Variants in CNOT10 observed in about 807,000 individuals in gnomAD.
CNOT10 encodes CCR4-NOT transcription complex, subunit 10.
CNOT10 carries 30 observed loss-of-function variants against 94.6 expected under a neutral mutation model. The ratio of observed to expected loss-of-function variants is 0.32; its 90% CI spans 0.24 to 0.43. CNOT10 has a LOEUF of 0.43. CNOT10 is among the 20% of genes least tolerant of loss of function. CNOT10 has a pLI of 1.00. For synonymous variants in CNOT10, 289 were observed against 301.6 expected (o/e 0.96, Z 0.43); for missense variants, 759 against 877.2 (o/e 0.87, Z 1.70).
At chr3:32,748,670 C>T (rs1219222004) in intron 13 of CNOT10, among the ~76,000 whole-genome samples, 1 of 149,204 alleles carries the variant, frequency 6.7e-6, no homozygotes, top group South Asian at 2.1e-4. Flanking sequence ...CCACCACACC[C>T]GACTAATTTT....
intron 3 of CNOT10, among the ~76,000 whole-genome samples, chr3:32,705,448 TG>T (rs980679832): frequency 6.6e-6 from 1 of 152,140 alleles, no homozygotes; most frequent in East Asian, 1.9e-4. Flanking sequence ...AGACTTTTGG[TG>T]TTCAAGAGGG....
At chr3:32,728,057 T>TA (rs1698763996) in intron 10 of CNOT10, among the ~76,000 whole-genome samples, 187 bp downstream of exon 10, 1 of 151,906 alleles carries the variant, frequency 6.6e-6, no homozygotes, top group Non-Finnish European at 1.5e-5. Context: ...AGTGCAATGT[T>TA]ACGATCTCGG....
intron 12 of CNOT10, among the ~76,000 whole-genome samples, chr3:32,737,207 T>A (rs1699227154): frequency 6.6e-6 from 1 of 151,974 alleles, no homozygotes; most frequent in Non-Finnish European, 1.5e-5. Flanking sequence ...CCCAGCTACT[T>A]GGGAGGCTGA....
At chr3:32,726,522 G>A (rs966317946) in intron 9 of CNOT10, among the ~76,000 whole-genome samples, 1 of 151,714 alleles carries the variant, frequency 6.6e-6, no homozygotes, top group Non-Finnish European at 1.5e-5. Flanking sequence ...GTGAAACCCT[G>A]TCTCTACTAA....
chr3:32,738,608 G>A (rs148929056), intron 13 of CNOT10, among the ~76,000 whole-genome samples: 3,043 of 151,698 alleles, frequency 0.02, 48 homozygotes, highest in East Asian at 0.056. Flanking sequence ...GACTACAGGC[G>A]CCTGCCACCA....
chr3:32,695,711 A>G, intron 1 of CNOT10: 1 of 1,536,090 alleles, frequency 6.5e-7, no homozygotes, highest in Non-Finnish European at 8.7e-7. Context: ...TCATTAGGCC[A>G]GAGTAGAAGG....
At chr3:32,730,152 G>A (rs972930832) in intron 10 of CNOT10, among the ~76,000 whole-genome samples, 3 of 152,032 alleles carry the variant, frequency 2.0e-5, no homozygotes, top group Non-Finnish European at 2.9e-5. Flanking sequence ...AGTGTTGGGC[G>A]CCTTTCTTTG....
intron 13 of CNOT10, among the ~76,000 whole-genome samples, chr3:32,740,380 A>G (rs1699408166): frequency 6.6e-6 from 1 of 152,126 alleles, no homozygotes; most frequent in Non-Finnish European, 1.5e-5. Context: ...AATCGCTTCA[A>G]CCGGGGAGGC....
Position 32,727,720 on chromosome 3 carries a change from T to C in CNOT10, c.1065T>C (p.Tyr355=), listed in dbSNP as rs952297511. 8 of 1,613,530 alleles carry C rather than the reference T, an allele frequency of 5.0e-6. No individual in the cohort carries two copies. Among genetic ancestry groups the C allele is most frequent in the Middle Eastern group, 1.6e-4 (1 of 6,084 alleles). Residue 355 remains tyrosine, a synonymous_variant, in exon 10 of 19, where the codon TAT becomes TAC. Transcript: ENST00000328834. ...GTACGTTACTAACCAATAAGAGATATGAGTTGCTGTATAACTGTGGAATTC... is the reference window on the plus strand; with the variant it reads ...GTACGTTACTAACCAATAAGAGATACGAGTTGCTGTATAACTGTGGAATTC... ...PMCTLLTNKR[Y]ELLYNCGIQL...
intron 17 of CNOT10, among the ~76,000 whole-genome samples, chr3:32,768,840 T>TC (rs1230592269): frequency 5.9e-5 from 9 of 152,168 alleles, no homozygotes; most frequent in Non-Finnish European, 1.2e-4. Context: ...TTTCTGGTCT[T>TC]CCCCAACATC....
At chr3:32,725,135 AC>A (rs1462646153) in intron 8 of CNOT10, among the ~76,000 whole-genome samples, 3 of 152,180 alleles carry the variant, frequency 2.0e-5, no homozygotes, top group Non-Finnish European at 2.9e-5. Flanking sequence ...GGAGTTCGAA[AC>A]CAGGGTAGGC....
At chr3:32,686,803 C>G (rs1696622414) in intron 1 of CNOT10, among the ~76,000 whole-genome samples, 1 of 152,220 alleles carries the variant, frequency 6.6e-6, no homozygotes, top group Non-Finnish European at 1.5e-5. Context: ...TGCCCGAAAT[C>G]ACCCTTTTAG....
rs776087682 is a variant in CNOT10, at chr3:32,764,646, G to A, written c.1877-36G>A. 30 of 1,609,570 alleles carry A rather than the reference G, an allele frequency of 1.9e-5. No homozygotes were observed. In the South Asian group the frequency reaches 2.3e-4, roughly 12 times the overall value. The stretch of plus-strand genomic sequence containing the variant: ...TGGGTTGCTTCCTTGCTGTTGGCAC[G>A]GCCTCTTCACCAGTGTCTACACTCT... On this transcript the variant is annotated intron_variant, in intron 16 of 18. Coordinates refer to ENST00000328834, the MANE Select transcript of CNOT10 (RefSeq NM_015442.3).
In CNOT10 at chr3:32,720,168, C is replaced by A; in HGVS notation, c.799C>A (p.Arg267=). 6.4e-7 allele frequency: 1 copy of A among 1,558,654 alleles called. No homozygotes were observed. The highest frequency in any genetic ancestry group is 8.8e-7 in the Non-Finnish European group (1 of 1,140,164). ...TTTTGAGTACTTAAGAGGTAATTAT[C>A]GAAAAGCCGTGAAGCTATTAAATAG... ...SNFEYLRGNY[R]KAVKLLNSSN... Residue 267 remains arginine (R), a synonymous_variant, in exon 8 of 19, where the codon CGA becomes AGA. Coordinates refer to ENST00000328834, the MANE Select transcript of CNOT10 (RefSeq NM_015442.3).
At chr3:32,745,509 A>G (rs1390685902) in intron 13 of CNOT10, among the ~76,000 whole-genome samples, 1 of 152,188 alleles carries the variant, frequency 6.6e-6, no homozygotes, top group Non-Finnish European at 1.5e-5. Context: ...AATAAATGCT[A>G]TGACTTTGAA....
intron 13 of CNOT10, among the ~76,000 whole-genome samples, chr3:32,741,668 C>G (rs1417340062): frequency 6.6e-6 from 1 of 151,262 alleles, no homozygotes; most frequent in African/African-American, 2.4e-5. Flanking sequence ...ACTCTGGAGG[C>G]TGAGGCAGGA....
intron 1 of CNOT10, among the ~76,000 whole-genome samples, chr3:32,691,410 C>T (rs1696843258): frequency 6.6e-6 from 1 of 152,052 alleles, no homozygotes; most frequent in Admixed American, 6.6e-5. Context: ...ATCCACCCAC[C>T]TCGACCTCCC....
In CNOT10 at chr3:32,704,848, G is replaced by C. The variant is rs755555384; in HGVS notation, c.155G>C (p.Cys52Ser). 3 of 1,569,648 alleles carry C rather than the reference G, an allele frequency of 1.9e-6. No homozygotes were observed. Among genetic ancestry groups the C allele is most frequent in the South Asian group, 1.2e-5 (1 of 82,134 alleles). Reference sequence around the variant, plus strand: ...GATGCCTGTCTACAACACCTTGCCTGTCTACAAGATATAAACAAAGATGAT... The same window carrying C: ...GATGCCTGTCTACAACACCTTGCCTCTCTACAAGATATAAACAAAGATGAT... ...NYDACLQHLA[C>S]LQDINKDDYK... Residue 52 changes from cysteine to serine, a missense_variant, in exon 3 of 19, where the codon TGT (cysteine) becomes TCT (serine). Physicochemically the swap from Cys to Ser is moderately radical, Grantham distance 112 (BLOSUM62 -1). Transcript: ENST00000328834.
chr3:32,688,418 G>A (rs1034198021), intron 1 of CNOT10, among the ~76,000 whole-genome samples: 2 of 151,616 alleles, frequency 1.3e-5, no homozygotes, highest in African/African-American at 4.9e-5. Context: ...GACCAACATG[G>A]TGAAACCCCA....
Sources: gnomAD v4.1 joint callset for allele counts (sites outside exome capture counted in the v4.1 genomes callset) on GRCh38, gnomAD v4.1.1 for gene constraint, MANE v1.5 for transcripts, NCBI Gene and HGNC (gene_info 2026-07-23, HGNC 2026-07-21) for gene names.